TRIM55: variants seen among roughly 807,000 people sequenced by gnomAD.
TRIM55 encodes the protein tripartite motif-containing protein 55.
TRIM55 carries 50 observed loss-of-function variants against 60.9 expected under a neutral mutation model. The observed-to-expected ratio is 0.82, with a 90% CI of 0.65 to 1.04. The LOEUF is 1.04. Ranked by LOEUF, TRIM55 falls within the 50% of genes least tolerant of loss-of-function variation. The pLI is 0.00. For synonymous variants in TRIM55, 237 were observed against 238.1 expected, an observed-to-expected ratio of 1.00 and a Z score of 0.04; for missense variants, 681 against 666.9, an observed-to-expected ratio of 1.02 and a Z score of -0.23.
rs1810343804 is a variant in TRIM55, at chr8:66,150,360, G to T, written c.879G>T (p.Lys293Asn). The T allele has an allele frequency of 6.2e-7, 1 of 1,614,044 alleles. No homozygotes were observed. Residue 293 changes from lysine (K) to asparagine (N), a missense_variant, in exon 7 of 10, where the codon AAG becomes AAT. Physicochemically the swap from Lys to Asn is moderately conservative, Grantham distance 94. Coordinates refer to ENST00000315962, the MANE Select transcript of TRIM55 (RefSeq NM_184085.2). ...TLLKKISEAS[K>N]AFQMEKIEHG... Reference sequence around the variant, plus strand: ...GTTGCAGAATCTCGGAAGCATCAAAGGCATTTCAGATGGAGAAAATAGAAC... The same window carrying T: ...GTTGCAGAATCTCGGAAGCATCAAATGCATTTCAGATGGAGAAAATAGAAC...
chr8:66,157,505 G>A (rs188918638), intron 9 of TRIM55, among the ~76,000 whole-genome samples: 178 of 152,288 alleles, frequency 1.2e-3, no homozygotes, highest in African/African-American at 3.6e-3. Flanking sequence ...TAGAGTGCTA[G>A]AATTTCACAT....
chr8:66,127,861 A>T (rs1481163458), intron 1 of TRIM55, among the ~76,000 whole-genome samples: 1 of 152,126 alleles, frequency 6.6e-6, no homozygotes, highest in African/African-American at 2.4e-5. Flanking sequence ...ACAAACAAAA[A>T]AACTTTATAA....
chr8:66,150,101 A>G, intron 5 of TRIM55, 116 bp from the exon 6 acceptor site: 1 of 1,253,770 alleles, frequency 8.0e-7, no homozygotes, highest in Non-Finnish European at 1.1e-6. Context: ...GCAGTTATTT[A>G]TGACATTTAG....
At chr8:66,114,239 G>T in the TRIM55 span, among the ~76,000 whole-genome samples, 2 of 152,240 alleles carry the variant, frequency 1.3e-5, no homozygotes, top group South Asian at 2.1e-4. Context: ...GAGAGGTAGC[G>T]GGATCGATGC....
intron 9 of TRIM55, among the ~76,000 whole-genome samples, chr8:66,171,808 C>CTT (rs1811653410): frequency 6.6e-6 from 1 of 152,198 alleles, no homozygotes; most frequent in Non-Finnish European, 1.5e-5. Flanking sequence ...TTAACTCATT[C>CTT]TTCCTTTATG....
At chr8:66,157,481 G>A (rs1810809079) in intron 9 of TRIM55, among the ~76,000 whole-genome samples, 1 of 152,148 alleles carries the variant, frequency 6.6e-6, no homozygotes, top group Non-Finnish European at 1.5e-5. Flanking sequence ...ATTCATATTT[G>A]TCCAGTTCAA....
At chr8:66,155,373 G>A (rs1215602026) in intron 9 of TRIM55, among the ~76,000 whole-genome samples, 1 of 152,206 alleles carries the variant, frequency 6.6e-6, no homozygotes, top group Non-Finnish European at 1.5e-5. Context: ...TGTTTGGTGG[G>A]AAGAAATCTT....
intron 7 of TRIM55, among the ~76,000 whole-genome samples, 153 bp downstream of exon 7, chr8:66,150,619 T>G (rs1810363083): frequency 6.6e-6 from 1 of 151,980 alleles, no homozygotes; most frequent in Non-Finnish European, 1.5e-5. Context: ...TCTATTTCAT[T>G]ACAGGATCAC....
At chr8:66,143,496 A>G (rs1809937117) in intron 4 of TRIM55, among the ~76,000 whole-genome samples, 5 of 152,196 alleles carry the variant, frequency 3.3e-5, no homozygotes, top group Admixed American at 2.6e-4. Flanking sequence ...TCACTGTACA[A>G]ATACAAACAT....
intron 2 of TRIM55, among the ~76,000 whole-genome samples, chr8:66,131,325 A>G (rs1223649348): frequency 6.6e-6 from 1 of 152,072 alleles, no homozygotes; most frequent in African/African-American, 2.4e-5. Context: ...TTCTCTCTTT[A>G]CCCACCCCCA....
chr8:66,169,278 A>T (rs770018454), intron 9 of TRIM55, among the ~76,000 whole-genome samples: 1 of 152,210 alleles, frequency 6.6e-6, no homozygotes, highest in Non-Finnish European at 1.5e-5. Context: ...TTGACCCCCA[A>T]GCTCAAACAA....
the TRIM55 span, among the ~76,000 whole-genome samples, chr8:66,118,168 CAAAAAAAAA>C: frequency 1.0e-4 from 4 of 39,898 alleles, no homozygotes; most frequent in Non-Finnish European, 1.8e-4. Flanking sequence ...GACTCCGTCT[CAAAAAAAAA>C]AAAAAAAAAA....
chr8:66,117,229 A>G, the TRIM55 span, among the ~76,000 whole-genome samples: 4 of 152,252 alleles, frequency 2.6e-5, no homozygotes, highest in Non-Finnish European at 5.9e-5. Context: ...CCTAAGACCA[A>G]GACCAAGGCA....
chr8:66,122,028 C>T (rs559873011), upstream of TRIM55, among the ~76,000 whole-genome samples: 1,241 of 152,252 alleles, frequency 8.2e-3, 13 homozygotes, highest in Non-Finnish European at 0.013. Context: ...GCACTCCCTC[C>T]TGTGTCCCAC....
chr8:66,142,698 GC>G (rs1809887736), intron 4 of TRIM55, among the ~76,000 whole-genome samples: 1 of 152,180 alleles, frequency 6.6e-6, no homozygotes, highest in Non-Finnish European at 1.5e-5. Flanking sequence ...GTAGAAAAGA[GC>G]CTGAGTTTGG....
At chr8:66,138,833 A>G (rs975916106) in intron 4 of TRIM55, among the ~76,000 whole-genome samples, 8 of 152,248 alleles carry the variant, frequency 5.3e-5, no homozygotes, top group African/African-American at 1.9e-4. Flanking sequence ...AATGCTTAGC[A>G]CAGTGCCTGG....
intron 4 of TRIM55, among the ~76,000 whole-genome samples, chr8:66,145,472 G>T (rs1310016554): frequency 6.6e-6 from 1 of 152,064 alleles, no homozygotes; most frequent in Non-Finnish European, 1.5e-5. Flanking sequence ...TATCATTTAT[G>T]ATACTTTTTT....
At chr8:66,132,234 T>C (rs1341457189) in intron 2 of TRIM55, among the ~76,000 whole-genome samples, 2 of 152,128 alleles carry the variant, frequency 1.3e-5, no homozygotes, top group African/African-American at 4.8e-5. Context: ...ACAGATCACC[T>C]GAGGTCAGGA....
At chr8:66,158,486 C>G (rs1810873030) in intron 9 of TRIM55, among the ~76,000 whole-genome samples, 2 of 152,186 alleles carry the variant, frequency 1.3e-5, no homozygotes, top group Non-Finnish European at 2.9e-5. Flanking sequence ...GACTTCAGAT[C>G]TGGTCCTGGA....
Sources: gnomAD v4.1 joint callset for allele counts (sites outside exome capture counted in the v4.1 genomes callset) on GRCh38, gnomAD v4.1.1 for gene constraint, MANE v1.5 for transcripts, NCBI Gene and HGNC (gene_info 2026-07-23, HGNC 2026-07-21) for gene names.